PRR33: variants seen among roughly 807,000 people sequenced by gnomAD.
The protein encoded by PRR33 is proline-rich protein 33.
In PRR33, 1 loss-of-function variant was observed where a neutral mutation model predicts 0.5. That is an observed-to-expected ratio of 2.18 (90% CI 0.77 to 10.34). The LOEUF (loss-of-function observed/expected upper bound fraction) is 10.34. Among genes scored for constraint, PRR33 ranks in the 30% most tolerant of loss-of-function variants. PRR33 has a pLI of 0.13. For missense variants in PRR33, 552 were observed against 251.8 expected, an observed-to-expected ratio of 2.19 and a Z score of -8.07; for synonymous variants, 226 against 110.0, an observed-to-expected ratio of 2.06 and a Z score of -6.60.
chr11:1,897,425 T>C, the PRR33 span, among the ~76,000 whole-genome samples: 1 of 152,284 alleles, frequency 6.6e-6, no homozygotes, highest in Non-Finnish European at 1.5e-5. The surrounding 1 kb of genome is among the most constrained non-coding windows in gnomAD (Gnocchi z 4.0). Flanking sequence ...GGAACCTCCT[T>C]GTGCTGGAAT....
the PRR33 span, among the ~76,000 whole-genome samples, chr11:1,902,365 G>A: frequency 3.3e-5 from 5 of 152,258 alleles, no homozygotes; most frequent in Admixed American, 3.3e-4. Context: ...GCAAAGAAAG[G>A]CTTCCCTCGG....
the PRR33 span, among the ~76,000 whole-genome samples, chr11:1,909,845 T>C: frequency 6.6e-6 from 1 of 152,246 alleles, no homozygotes; most frequent in Admixed American, 6.5e-5. Context: ...TTGAGGGCTC[T>C]GTGCAGCTCC....
the PRR33 span, among the ~76,000 whole-genome samples, chr11:1,909,122 C>A: frequency 1.3e-5 from 2 of 152,224 alleles, no homozygotes; most frequent in Non-Finnish European, 2.9e-5. Flanking sequence ...TGGTAGCTCA[C>A]GCCTGTAATC....
upstream of PRR33, among the ~76,000 whole-genome samples, chr11:1,895,260 G>GAT: frequency 6.6e-6 from 1 of 152,012 alleles, no homozygotes; most frequent in Non-Finnish European, 1.5e-5. Flanking sequence ...AGCCTCCCAG[G>GAT]TAGCTGGAAC....
exon 1 of PRR33, chr11:1,890,083 C>T (rs530281752): frequency 1.4e-5 from 10 of 715,458 alleles, no homozygotes; most frequent in Middle Eastern, 2.3e-4. Context: ...GAGACAGGGA[C>T]GAAGCCACTG....
At chr11:1,900,474 G>A in the PRR33 span, among the ~76,000 whole-genome samples, 1 of 152,160 alleles carries the variant, frequency 6.6e-6, no homozygotes, top group Non-Finnish European at 1.5e-5. Context: ...TTACACTAAA[G>A]TTATCAGAAG....
chr11:1,913,392 C>T, the PRR33 span, among the ~76,000 whole-genome samples: 2 of 151,804 alleles, frequency 1.3e-5, no homozygotes, highest in South Asian at 2.1e-4. Context: ...GTGATCCGCC[C>T]GCCTCAGCCT....
At chr11:1,896,916 C>T in the PRR33 span, among the ~76,000 whole-genome samples, 2,937 of 152,298 alleles carry the variant, frequency 0.019, 175 homozygotes, top group East Asian at 0.23. Flanking sequence ...TTAAATTTAA[C>T]AGAGTTTAAT....
upstream of PRR33, among the ~76,000 whole-genome samples, chr11:1,894,285 G>T (rs1043443476): frequency 2.0e-3 from 304 of 151,870 alleles, 9 homozygotes; most frequent in Admixed American, 0.02. Flanking sequence ...CAGGCTGGGA[G>T]TGCAGTGGCA....
the PRR33 span, among the ~76,000 whole-genome samples, chr11:1,897,252 C>T: frequency 1.5e-4 from 23 of 152,210 alleles, no homozygotes; most frequent in Admixed American, 1.5e-3. The surrounding 1 kb of genome is among the most constrained non-coding windows in gnomAD (Gnocchi z 4.0). Flanking sequence ...GGCAGCTTTA[C>T]GCCAAGCTTA....
the PRR33 span, among the ~76,000 whole-genome samples, chr11:1,900,117 T>A: frequency 6.6e-6 from 1 of 152,004 alleles, no homozygotes; most frequent in African/African-American, 2.4e-5. Context: ...GAGCATTTAA[T>A]AGTGGAAGCT....
chr11:1,889,196 G>A (rs905189546), exon 1 of PRR33: 1 of 674,460 alleles, frequency 1.5e-6, no homozygotes, highest in Non-Finnish European at 2.7e-6. Context: ...TGGGCTGGGG[G>A]CTCAGCTCCA....
chr11:1,905,680 G>A, the PRR33 span, among the ~76,000 whole-genome samples: 6 of 148,886 alleles, frequency 4.0e-5, no homozygotes, highest in South Asian at 2.1e-4. Context: ...TCTTGACCTC[G>A]TGGGCTCAAG....
chr11:1,891,538 C>G (rs1476400734), exon 1 of PRR33: 1 of 152,262 alleles, frequency 6.6e-6, no homozygotes, highest in African/African-American at 2.4e-5. Context: ...CTTCCCTCCA[C>G]CAGGAGTCAG....
At chr11:1,889,444 C>G in exon 1 of PRR33, 1 of 650,278 alleles carries the variant, frequency 1.5e-6, no homozygotes, top group Non-Finnish European at 2.8e-6. Flanking sequence ...ACCTCCTGCT[C>G]TGTGGGGGCA....
At chr11:1,914,853 CTGTGTGTGTG>C in the PRR33 span, among the ~76,000 whole-genome samples, 78 of 125,472 alleles carry the variant, frequency 6.2e-4, no homozygotes, top group African/African-American at 2.4e-3. Flanking sequence ...GGAGATGTTT[CTGTGTGTGTG>C]TGTGTGTGTG....
exon 1 of PRR33, chr11:1,890,386 A>G (rs1354800722): frequency 4.2e-6 from 3 of 716,522 alleles, no homozygotes; most frequent in Non-Finnish European, 7.8e-6. Context: ...CTCACGGGGG[A>G]CAGGGAGGTG....
At chr11:1,895,808 G>A (rs1565094860), upstream of PRR33, among the ~76,000 whole-genome samples, 1 of 152,156 alleles carries the variant, frequency 6.6e-6, no homozygotes, top group Non-Finnish European at 1.5e-5. Context: ...ATGGTTTCTT[G>A]AAGAAGCTAC....
chr11:1,909,229 C>T, the PRR33 span, among the ~76,000 whole-genome samples: 4 of 147,384 alleles, frequency 2.7e-5, no homozygotes, highest in Non-Finnish European at 6.0e-5. Flanking sequence ...CTGGGTACGG[C>T]GGCTCACACC....
Sources: allele counts gnomAD v4.1 joint callset (sites outside exome capture counted in the v4.1 genomes callset), GRCh38; gene constraint gnomAD v4.1.1; non-coding constraint Gnocchi (gnomAD v3.1); transcripts MANE v1.5; gene names NCBI Gene and HGNC (gene_info 2026-07-23, HGNC 2026-07-21).